STT3A: variants seen among roughly 807,000 people sequenced by gnomAD.
STT3A encodes dolichyl-diphosphooligosaccharide--protein glycosyltransferase subunit STT3A.
In STT3A, 34 loss-of-function variants were observed where a neutral mutation model predicts 89.2. The observed-to-expected ratio is 0.38, with a 90% CI of 0.29 to 0.51. The LOEUF (loss-of-function observed/expected upper bound fraction) is 0.51, where lower values mean the gene tolerates loss of function less well. Ranked by LOEUF, STT3A falls within the 20% of genes least tolerant of loss-of-function variation. The probability of loss-of-function intolerance (pLI) is 0.89; values close to 1 mark genes in which losing one functional copy is unlikely to be tolerated. For synonymous variants in STT3A, 282 were observed against 310.3 expected, an observed-to-expected ratio of 0.91 and a Z score of 0.96; for missense variants, 555 against 889.5, an observed-to-expected ratio of 0.62 and a Z score of 4.78.
At position 125,613,597 on chromosome 11, in the gene STT3A, G is replaced by A. The variant is rs996076087; in HGVS notation, c.1554+420G>A. On this transcript the variant is annotated intron_variant, in intron 13 of 17. Coordinates refer to ENST00000392708, the MANE Select transcript of STT3A (RefSeq NM_152713.5). This position sits in a 1 kb window ranked among gnomAD's most constrained non-coding sequence, Gnocchi z 4.2. Reference sequence around the variant, plus strand: ...TTTATATCTTTTGAGAATCTGAAGTGATTTCCTTTACAATAACTATTAGGA... The same window carrying A: ...TTTATATCTTTTGAGAATCTGAAGTAATTTCCTTTACAATAACTATTAGGA... The A allele has an allele frequency of 6.0e-6, 1 of 165,846 alleles. No individual in the cohort carries two copies. The highest frequency in any genetic ancestry group is 1.3e-5 in the Non-Finnish European group (1 of 76,596). The allele number at this position is 165,846 out of a possible 1,614,324, so 10.3% of individuals were successfully genotyped here. A position where few individuals can be genotyped will look rare whatever the true frequency, so the allele number is the denominator to read the frequency against.
chr11:125,611,994 C>T (rs1940039274), intron 11 of STT3A, among the ~76,000 whole-genome samples: 1 of 149,922 alleles, frequency 6.7e-6, no homozygotes, highest in South Asian at 2.1e-4. Flanking sequence ...TCTCCTGCCT[C>T]AGCCTCCCAA....
At chr11:125,609,380 C>T in intron 9 of STT3A, 54 bp from the exon 10 acceptor site, 1 of 1,503,890 alleles carries the variant, frequency 6.6e-7, no homozygotes, top group Non-Finnish European at 8.9e-7. Context: ...TCATTTGGAT[C>T]AGATGTTTGT....
intron 9 of STT3A, among the ~76,000 whole-genome samples, chr11:125,608,648 A>C (rs1441109631): frequency 6.6e-6 from 1 of 152,190 alleles, no homozygotes; most frequent in Admixed American, 6.5e-5. Flanking sequence ...TTTACTATTA[A>C]ATGCAGATGG....
At chr11:125,598,963 A>T (rs1254364973) in intron 3 of STT3A, among the ~76,000 whole-genome samples, 1 of 152,128 alleles carries the variant, frequency 6.6e-6, no homozygotes, top group African/African-American at 2.4e-5. Context: ...CCTCTGAATG[A>T]GCAAATATTG....
At chr11:125,592,566 A>G, upstream of STT3A, 1 of 446,532 alleles carries the variant, frequency 2.2e-6, no homozygotes. Flanking sequence ...GGGTCCGCAA[A>G]CCGACACGTC....
intron 5 of STT3A, among the ~76,000 whole-genome samples, chr11:125,603,845 C>T (rs975196306): frequency 6.6e-6 from 1 of 152,114 alleles, no homozygotes; most frequent in Admixed American, 6.5e-5. Flanking sequence ...TAGAGACTTA[C>T]GAGCTTGGGG....
intron 9 of STT3A, 112 bp downstream of exon 9, chr11:125,608,401 AC>A (rs1351287209): frequency 2.7e-6 from 3 of 1,105,320 alleles, no homozygotes; most frequent in South Asian, 1.7e-5. Context: ...TGCAACCTCC[AC>A]CTCCCAGGTT....
rs1046048763 is a variant in STT3A, at chr11:125,613,485, T to C, written c.1554+308T>C. Among the ~76,000 whole-genome samples the C allele has an allele frequency of 6.6e-6, 1 of 152,224 alleles. No homozygotes were observed. The highest frequency in any genetic ancestry group is 2.1e-4 in the South Asian group (1 of 4,832). On this transcript the variant is annotated intron_variant, in intron 13 of 17. Coordinates refer to ENST00000392708, the MANE Select transcript of STT3A (RefSeq NM_152713.5). The surrounding 1 kb of genome is among the most constrained non-coding windows in gnomAD (Gnocchi z 4.2). Reference sequence around the variant, plus strand: ...ATAGATAAATAATACATGTTCACTTTAGAAAAATCAGAAAATTGAATCAAG... The same window carrying C: ...ATAGATAAATAATACATGTTCACTTCAGAAAAATCAGAAAATTGAATCAAG...
chr11:125,602,529 G>A (rs756127116), intron 4 of STT3A, 105 bp downstream of exon 4: 4 of 1,319,736 alleles, frequency 3.0e-6, no homozygotes, highest in South Asian at 3.2e-5. Flanking sequence ...TGTGACACTT[G>A]TAATTTCATC....
intron 3 of STT3A, among the ~76,000 whole-genome samples, chr11:125,602,049 G>A (rs961570307): frequency 1.3e-5 from 2 of 152,006 alleles, no homozygotes; most frequent in Admixed American, 1.3e-4. Context: ...CACCTGCCTC[G>A]GACTCCTAAA....
intron 3 of STT3A, among the ~76,000 whole-genome samples, chr11:125,599,807 CA>C: frequency 6.8e-6 from 1 of 146,320 alleles, no homozygotes; most frequent in Non-Finnish European, 1.5e-5. Context: ...CTCAGCTCAC[CA>C]CAACCTCTGC....
chr11:125,612,506 A>T, intron 11 of STT3A, 86 bp from the exon 12 acceptor site: 1 of 1,466,648 alleles, frequency 6.8e-7, no homozygotes, highest in Non-Finnish European at 9.2e-7. Context: ...GAAAACCCCT[A>T]AATTGATGTC....
In STT3A at chr11:125,608,154, C is replaced by T. The variant is rs1225392683; in HGVS notation, c.826C>T (p.Leu276Phe). ...CATGGCAGCCTTTGGGGTCTTTGGT[C>T]TCTGCCAGATCCATGCCTTTGTGGA... is the stretch of plus-strand genomic sequence containing the variant. ...EHMAAFGVFG[L>F]CQIHAFVDYL... Residue 276 changes from leucine to phenylalanine, a missense_variant, in exon 9 of 18, where the codon CTC becomes TTC. Leu to Phe is a conservative substitution (Grantham distance 22, BLOSUM62 0). Around this residue, in one of 5 missense-constraint regions of STT3A, gnomAD observed 149 missense variants for 206.2 expected, o/e 0.72. Coordinates refer to ENST00000392708, the MANE Select transcript of STT3A (RefSeq NM_152713.5). 3.7e-6 allele frequency: 6 copies of T among 1,613,588 alleles called. No individual in the cohort carries two copies. The highest frequency in any genetic ancestry group is 5.1e-6 in the Non-Finnish European group (6 of 1,179,916).
Position 125,606,526 on chromosome 11 carries a change from C to T in STT3A, c.780+61C>T. 3 of 1,509,948 alleles carry T rather than the reference C, an allele frequency of 2.0e-6. No individual in the cohort carries two copies. The South Asian group carries it at 3.8e-5, about 19-fold the overall frequency. 93.5% of individuals were successfully genotyped at this position (1,509,948 alleles called of 1,614,324 possible). A position where few individuals can be genotyped will look rare whatever the true frequency, so the allele number is the denominator to read the frequency against. ...CTTTTTCTATGCAGCCCCAACTAGACTGATTTATCTTAGATTCTGTTAAGA... is the reference window on the plus strand; with the variant it reads ...CTTTTTCTATGCAGCCCCAACTAGATTGATTTATCTTAGATTCTGTTAAGA... On this transcript the variant is annotated intron_variant, in intron 8 of 17. Coordinates refer to ENST00000392708, the MANE Select transcript of STT3A (RefSeq NM_152713.5).
chr11:125,612,983 G>A lies in STT3A; in HGVS notation c.1366-6G>A. On this transcript the variant is annotated splice_polypyrimidine_tract_variant and splice_region_variant and intron_variant, in intron 12 of 17. Transcript: ENST00000392708. ...ACTACACAATTAATTCTTTTTCCTT[G>A]TTTAGGTGGCAAGTGGGATGATACT... The A allele has an allele frequency of 6.2e-7, 1 of 1,612,458 alleles. No homozygotes were observed. Among genetic ancestry groups the A allele is most frequent in the Non-Finnish European group, 8.5e-7 (1 of 1,179,170 alleles).
rs1452027136 is a variant in STT3A, at chr11:125,602,421, C to T, written c.268C>T (p.Pro90Ser). The stretch of plus-strand genomic sequence containing the variant: ...ACGAATCATTGGAGGAACAATTTAC[C>T]CAGGTGAGGAGACCAGATGTGTTTT... ...LGRIIGGTIY[P>S]GLMITSAAIY... is the part of the protein sequence containing the mutation. The change falls in exon 4 of 18, where the codon CCA (proline) becomes TCA (serine). Residue 90 changes from proline to serine, a missense_variant. Physicochemically the swap from Pro to Ser is moderately conservative, Grantham distance 74. Around this residue, in one of 5 missense-constraint regions of STT3A, gnomAD observed 129 missense variants for 193.2 expected, o/e 0.67. Coordinates refer to ENST00000392708, the MANE Select transcript of STT3A (RefSeq NM_152713.5). 1 of 1,600,474 alleles carries T rather than the reference C, an allele frequency of 6.2e-7. No homozygotes were observed. The highest frequency in any genetic ancestry group is 1.1e-5 in the South Asian group (1 of 87,436).
At chr11:125,611,365 C>G (rs1940010143) in intron 10 of STT3A, 63 bp from the exon 11 acceptor site, 1 of 1,295,256 alleles carries the variant, frequency 7.7e-7, no homozygotes, top group Non-Finnish European at 1.1e-6. Flanking sequence ...AATGAAGATA[C>G]TTTACCTTGT....
chr11:125,606,079 T>C (rs1383758723), intron 7 of STT3A: 4 of 508,888 alleles, frequency 7.9e-6, no homozygotes, highest in Non-Finnish European at 1.0e-5. Context: ...TATTTTCTTT[T>C]TTAAAATTTA....
intron 5 of STT3A, 95 bp from the exon 6 acceptor site, chr11:125,604,062 C>T: frequency 7.7e-7 from 1 of 1,293,806 alleles, no homozygotes; most frequent in Non-Finnish European, 1.1e-6. Context: ...GGACTGTTTT[C>T]TGGGCTCATT....
Sources: gnomAD v4.1 joint callset for allele counts (sites outside exome capture counted in the v4.1 genomes callset) on GRCh38, gnomAD v4.1.1 for gene constraint, gnomAD v4.1.1 regional missense constraint, Gnocchi (gnomAD v3.1) non-coding constraint, MANE v1.5 for transcripts, NCBI Gene and HGNC (gene_info 2026-07-23, HGNC 2026-07-21) for gene names.